The following MRC2 variants were observed in gnomAD, a reference collection of about 807,000 sequenced individuals.
The protein encoded by MRC2 is C-type mannose receptor 2.
In MRC2, 84 loss-of-function variants were observed where a neutral mutation model predicts 206.2. The observed-to-expected ratio is 0.41, with a 90% CI of 0.34 to 0.49. The LOEUF is 0.49. Among genes scored for constraint, MRC2 ranks in the 20% least tolerant of loss-of-function variants. The pLI is 0.31. For missense variants in MRC2, 1,676 were observed against 2,001.5 expected (o/e 0.84, Z 3.10); for synonymous variants, 798 against 800.0 (o/e 1.00, Z 0.04).
Position 62,652,923 on chromosome 17 carries a change from C to T in MRC2, c.119-11625C>T, listed in dbSNP as rs914123968. Among the ~76,000 whole-genome samples the T allele has an allele frequency of 1.3e-5, 2 of 151,944 alleles. No individual in the cohort carries two copies. Among genetic ancestry groups the T allele is most frequent in the Non-Finnish European group, 2.9e-5 (2 of 67,964 alleles). ...GCACGATGGCGGGGGCAGGGGTGCC[C>T]CTTGGGAGCAGAAGCAGAGAAGACT... On this transcript the variant is annotated intron_variant, in intron 1 of 29. Coordinates refer to ENST00000303375, the MANE Select transcript of MRC2 (RefSeq NM_006039.5). This position sits in a 1 kb window ranked among gnomAD's most constrained non-coding sequence, Gnocchi z 4.6.
At position 62,671,723 on chromosome 17, in the gene MRC2, G is replaced by A. The variant is rs758741127; in HGVS notation, c.1192G>A (p.Ala398Thr). The A allele has an allele frequency of 3.7e-6, 6 of 1,612,946 alleles. No homozygotes were observed. Among genetic ancestry groups the A allele is most frequent in the Middle Eastern group, 1.7e-4 (1 of 6,058 alleles). ...CCAGGGCCACTGCTACCGCCTGCAG[G>A]CCGAGAAGCGCAGCTGGCAGGAGTC... The part of the protein sequence containing the change: ...PFQGHCYRLQ[A>T]EKRSWQESKK... The change falls in exon 7 of 30, where the codon GCC becomes ACC. Residue 398 changes from alanine to threonine, a missense_variant. This residue lies in a region of MRC2 where 1,354 missense variants were observed against 1,636.6 expected (regional missense o/e 0.83). Coordinates refer to ENST00000303375, the MANE Select transcript of MRC2 (RefSeq NM_006039.5). This position sits in a 1 kb window ranked among gnomAD's most constrained non-coding sequence, Gnocchi z 4.5.
In MRC2 at chr17:62,680,762, G is replaced by A. The variant is rs1454535587; in HGVS notation, c.2474-38G>A. 6.6e-7 allele frequency: 1 copy of A among 1,524,224 alleles called. No homozygotes were observed. Among genetic ancestry groups the A allele is most frequent in the Non-Finnish European group, 8.8e-7 (1 of 1,137,738 alleles). 94.4% of individuals were successfully genotyped at this position (1,524,224 alleles called of 1,614,324 possible). On this transcript the variant is annotated intron_variant, in intron 16 of 29. Transcript: ENST00000303375. The surrounding 1 kb of genome is among the most constrained non-coding windows in gnomAD (Gnocchi z 4.8). ...CTCCGGGGCCTGGCGTGCAGCCTCTGCCTGGCCGCCGCTCCCACGCCCGCG... is the reference window on the plus strand; with the variant it reads ...CTCCGGGGCCTGGCGTGCAGCCTCTACCTGGCCGCCGCTCCCACGCCCGCG...
rs748008499 is a variant in MRC2, at chr17:62,689,703, C to A, written c.3516C>A (p.Leu1172=). The A allele has an allele frequency of 1.3e-6, 2 of 1,576,120 alleles. No individual in the cohort carries two copies. The highest frequency in any genetic ancestry group is 2.3e-5 in the South Asian group (2 of 86,562). Residue 1172 remains leucine (L), a synonymous_variant, in exon 24 of 30, where the codon CTC becomes CTA. Coordinates refer to ENST00000303375, the MANE Select transcript of MRC2 (RefSeq NM_006039.5). The part of the protein sequence containing the change: ...YVPDPYTQAF[L]TQAARGLRTP... ...CCGACCCCTACACCCAGGCCTTCCT[C>A]ACGCAGGCTGCCCGAGGGCTGCGCA...
At chr17:62,640,248 A>T (rs2088384090) in intron 1 of MRC2, among the ~76,000 whole-genome samples, 1 of 151,996 alleles carries the variant, frequency 6.6e-6, no homozygotes. Context: ...TGGAAACAAG[A>T]TGCATACCTG....
rs530596593 is a variant in MRC2, at chr17:62,681,470, G to A, written c.2702+341G>A. 5.3e-4 allele frequency: 249 copies of A among 470,736 alleles called. 1 individual carries two copies. In the South Asian group the frequency reaches 5.9e-3, roughly 11 times the overall value. The allele number at this position is 470,736 out of a possible 1,614,324, so 29.2% of individuals were successfully genotyped here. A position where few individuals can be genotyped will look rare whatever the true frequency, so the allele number is the denominator to read the frequency against. ...AAGTGGGCAGAACATATGATGATCC[G>A]GGGGCCTCTTTGTATTTGGTGCCTA... is the stretch of plus-strand genomic sequence containing the variant. On this transcript the variant is annotated intron_variant, in intron 18 of 29. Transcript: ENST00000303375.
intron 11 of MRC2, 129 bp from the exon 12 acceptor site, chr17:62,677,140 G>T (rs577192858): frequency 4.2e-6 from 3 of 711,508 alleles, no homozygotes; most frequent in African/African-American, 3.6e-5. Context: ...ACCCCAGAGA[G>T]CATGTCTCTG....
chr17:62,633,771 G>T (rs919522638), intron 1 of MRC2, among the ~76,000 whole-genome samples: 3 of 139,196 alleles, frequency 2.2e-5, no homozygotes, highest in African/African-American at 8.0e-5. Flanking sequence ...AGCACAGGAG[G>T]TTGAGGCTGT....
rs1252611256 is a variant in MRC2 at position 62,645,524 on chromosome 17, TATA to T, written c.118+17605_118+17607del. Reference sequence around the variant, plus strand: ...ATATATATATATATATATATATATATATATTTTTTTTTTTTTTTTTTTTTTTTG... The same window carrying T: ...ATATATATATATATATATATATATATTTTTTTTTTTTTTTTTTTTTTTTTG... On this transcript the variant is annotated intron_variant, in intron 1 of 29. Coordinates refer to ENST00000303375, the MANE Select transcript of MRC2 (RefSeq NM_006039.5). Among the ~76,000 whole-genome samples, 243 of 35,566 alleles carry T rather than the reference TATA, an allele frequency of 6.8e-3. 3 individuals are homozygous for T. Among genetic ancestry groups the T allele is most frequent in the African/African-American group, 0.011 (100 of 9,200 alleles). 23.3% of individuals were successfully genotyped at this position (35,566 alleles called of 152,430 possible).
rs2088563354 is a variant in MRC2, at chr17:62,652,188, G to T, written c.119-12360G>T. The stretch of plus-strand genomic sequence containing the variant: ...AAATGCTTTCCCCCAAATTCGTATG[G>T]ATGTCTCCTAATAAAGTCACGCAGT... On this transcript the variant is annotated intron_variant, in intron 1 of 29. Transcript: ENST00000303375. This position sits in a 1 kb window ranked among gnomAD's most constrained non-coding sequence, Gnocchi z 4.6. 6.6e-6 allele frequency among the ~76,000 whole-genome samples: 1 copy of T among 152,226 alleles called. No individual in the cohort carries two copies. The highest frequency in any genetic ancestry group is 2.1e-4 in the South Asian group (1 of 4,832).
Position 62,692,653 on chromosome 17 carries a change from G to A in MRC2, c.*202G>A. On this transcript the variant is annotated 3_prime_UTR_variant, in exon 30 of 30. Transcript: ENST00000303375. This position sits in a 1 kb window ranked among gnomAD's most constrained non-coding sequence, Gnocchi z 4.2. ...GGGCTGGGCTGAGACCCAGCTGAGT[G>A]CAGCGTGGCGTTTCCCTTTCTGGGG... is the stretch of plus-strand genomic sequence containing the variant. 1 of 581,492 alleles carries A rather than the reference G, an allele frequency of 1.7e-6. No individual in the cohort carries two copies. The highest frequency in any genetic ancestry group is 3.0e-6 in the Non-Finnish European group (1 of 329,462). 36.0% of individuals were successfully genotyped at this position (581,492 alleles called of 1,614,324 possible).
Position 62,679,783 on chromosome 17 carries a change from C to A in MRC2, c.2196-17C>A. On this transcript the variant is annotated splice_polypyrimidine_tract_variant and intron_variant, in intron 13 of 29. Transcript: ENST00000303375. ...ACTTCCCATCTCTTCCGTCCCCACTCCTGGGTTGTGCTGAAGTGAATCAGA... is the reference window on the plus strand; with the variant it reads ...ACTTCCCATCTCTTCCGTCCCCACTACTGGGTTGTGCTGAAGTGAATCAGA... The A allele has an allele frequency of 6.2e-7, 1 of 1,612,666 alleles. No homozygotes were observed. Among genetic ancestry groups the A allele is most frequent in the Non-Finnish European group, 8.5e-7 (1 of 1,179,280 alleles).
At position 62,689,635 on chromosome 17, in the gene MRC2, C is replaced by G; in HGVS notation, c.3448C>G (p.Leu1150Val). The G allele has an allele frequency of 1.2e-6, 2 of 1,601,814 alleles. No individual in the cohort carries two copies. The highest frequency in any genetic ancestry group is 1.7e-6 in the Non-Finnish European group (2 of 1,174,534). The change falls in exon 24 of 30, where the codon CTC becomes GTC. Residue 1150 changes from leucine to valine, a missense_variant. By Grantham distance (32) the Leu-to-Val change is conservative (BLOSUM62 1). This residue lies in a region of MRC2 where 1,354 missense variants were observed against 1,636.6 expected (regional missense o/e 0.83). Coordinates refer to ENST00000303375, the MANE Select transcript of MRC2 (RefSeq NM_006039.5). ...LQKPLRWHDA[L>V]LLCESRNASL... Reference sequence around the variant, plus strand: ...GAAGCCGCTGCGCTGGCACGATGCCCTCCTGCTGTGTGAGAGCCGCAATGC... The same window carrying G: ...GAAGCCGCTGCGCTGGCACGATGCCGTCCTGCTGTGTGAGAGCCGCAATGC...
In MRC2 at chr17:62,652,713, G is replaced by A. The variant is rs1182219430; in HGVS notation, c.119-11835G>A. Among the ~76,000 whole-genome samples, 1 of 151,732 alleles carries A rather than the reference G, an allele frequency of 6.6e-6. No individual in the cohort carries two copies. The highest frequency in any genetic ancestry group is 1.5e-5 in the Non-Finnish European group (1 of 67,922). The stretch of plus-strand genomic sequence containing the variant: ...GATTGAGGGGCGCACGGCGGTGGAG[G>A]GAGGGGCGCCCAGTGGAGAGGGGGC... On this transcript the variant is annotated intron_variant, in intron 1 of 29. Coordinates refer to ENST00000303375, the MANE Select transcript of MRC2 (RefSeq NM_006039.5). The surrounding 1 kb of genome is among the most constrained non-coding windows in gnomAD (Gnocchi z 4.6).
At chr17:62,645,497 T>TTATATATA (rs1201996433) in intron 1 of MRC2, among the ~76,000 whole-genome samples, 11 of 93,818 alleles carry the variant, frequency 1.2e-4, no homozygotes, top group East Asian at 6.8e-4. Context: ...TGTGTATATA[T>TTATATATA]TATATATATA....
Position 62,692,545 on chromosome 17 carries a change from C to T in MRC2, c.*94C>T. The T allele has an allele frequency of 7.7e-7, 1 of 1,304,510 alleles. No homozygotes were observed. The highest frequency in any genetic ancestry group is 1.1e-6 in the Non-Finnish European group (1 of 950,290). The allele number at this position is 1,304,510 out of a possible 1,614,324, so 80.8% of individuals were successfully genotyped here. ...CCCACCAGCTGCCTGTCCAGTTGGC[C>T]TATGGAAGGGTGCCCTTGGGAGTCG... On this transcript the variant is annotated 3_prime_UTR_variant, in exon 30 of 30. Transcript: ENST00000303375. This position sits in a 1 kb window ranked among gnomAD's most constrained non-coding sequence, Gnocchi z 4.2.
At position 62,627,900 on chromosome 17, in the gene MRC2, CT is replaced by C. The variant is rs1323522864; in HGVS notation, c.99del (p.Asp35ThrfsTer83). 6.8e-7 allele frequency: 1 copy of C among 1,468,688 alleles called. No homozygotes were observed. The highest frequency in any genetic ancestry group is 9.0e-7 in the Non-Finnish European group (1 of 1,116,886). 91.0% of individuals were successfully genotyped at this position (1,468,688 alleles called of 1,614,324 possible). ...GCLHLGRPGA[P>X]GDAALPEPNV... ...CTGCACCTCGGCCGTCCCGGCGCCC[CT>C]GGGGACGCCGCCCTCCCGGGTAAGG... On this transcript the variant is annotated frameshift_variant, in exon 1 of 30. Transcript: ENST00000303375. LOFTEE classifies it high-confidence loss of function.
chr17:62,668,199 A>G (rs1263801281), intron 6 of MRC2, among the ~76,000 whole-genome samples: 3 of 151,904 alleles, frequency 2.0e-5, no homozygotes, highest in Non-Finnish European at 4.4e-5. Flanking sequence ...TCTGCAAAAT[A>G]TTTTTAAAAA....
Position 62,673,853 on chromosome 17 carries a change from C to T in MRC2, c.1462-210C>T, listed in dbSNP as rs190497446. Among the ~76,000 whole-genome samples, 49 of 152,268 alleles carry T rather than the reference C, an allele frequency of 3.2e-4. No individual in the cohort carries two copies. The East Asian group carries it at 8.3e-3, about 26-fold the overall frequency. On this transcript the variant is annotated intron_variant, in intron 8 of 29. Coordinates refer to ENST00000303375, the MANE Select transcript of MRC2 (RefSeq NM_006039.5). ...AGACAATGCTTGTTAAGTTTCAAGG[C>T]GTTTGCACATGAACTGCTTGTGCTC...
intron 11 of MRC2, 21 bp downstream of exon 11, chr17:62,676,552 G>A (rs2088894939): frequency 6.4e-7 from 1 of 1,561,704 alleles, no homozygotes; most frequent in Non-Finnish European, 8.7e-7. Context: ...TATTTGACTT[G>A]CCTTGGTGAA....
Sources: allele counts gnomAD v4.1 joint callset (sites outside exome capture counted in the v4.1 genomes callset), GRCh38; gene constraint gnomAD v4.1.1; regional missense constraint gnomAD v4.1.1; non-coding constraint Gnocchi (gnomAD v3.1); transcripts MANE v1.5; gene names NCBI Gene and HGNC (gene_info 2026-07-23, HGNC 2026-07-21).